Variants in MEI4 observed in about 807,000 individuals in gnomAD.
MEI4 encodes meiotic double-stranded break formation protein 4.
Under a neutral mutation model 31.4 loss-of-function variants are expected in MEI4, and 27 were observed. That is an observed-to-expected ratio of 0.86 (90% CI 0.63 to 1.19). The LOEUF (loss-of-function observed/expected upper bound fraction) is 1.19, where lower values mean the gene tolerates loss of function less well. Ranked by LOEUF, MEI4 falls within the 50% of genes most tolerant of loss-of-function variation. The pLI, the probability that MEI4 is intolerant of heterozygous loss-of-function variation, is 0.00. For missense variants in MEI4, 329 were observed against 398.9 expected, an observed-to-expected ratio of 0.82 and a Z score of 1.49; for synonymous variants, 122 against 145.4, an observed-to-expected ratio of 0.84 and a Z score of 1.16.
rs559560446 is a variant in MEI4 at position 77,698,962 on chromosome 6, C to T, written c.232+8059C>T. ...TCCCATATTTCTTGGAGGCTTTGTTCGTTTCTTTTTATTCTTTTTTCTCTA... is the reference window on the plus strand; with the variant it reads ...TCCCATATTTCTTGGAGGCTTTGTTTGTTTCTTTTTATTCTTTTTTCTCTA... On this transcript the variant is annotated intron_variant, in intron 2 of 4. Transcript: ENST00000684080. 6.0e-4 allele frequency among the ~76,000 whole-genome samples: 91 copies of T among 152,128 alleles called. No individual in the cohort carries two copies. The East Asian group carries it at 8.7e-3, about 15-fold the overall frequency.
chr6:77,875,625 T>C (rs2127726863), intron 4 of MEI4, among the ~76,000 whole-genome samples: 1 of 152,342 alleles, frequency 6.6e-6, no homozygotes, highest in South Asian at 2.1e-4. Flanking sequence ...AAAGGGATTT[T>C]TATCATTAAT....
chr6:77,909,664 T>C (rs1766385905), intron 4 of MEI4, among the ~76,000 whole-genome samples: 1 of 152,122 alleles, frequency 6.6e-6, no homozygotes, highest in African/African-American at 2.4e-5. Flanking sequence ...TCTGAAACTA[T>C]TCCAATCAAT....
chr6:77,899,365 TATCTC>T (rs563573560), intron 4 of MEI4, among the ~76,000 whole-genome samples: 385 of 152,122 alleles, frequency 2.5e-3, no homozygotes, highest in Non-Finnish European at 4.4e-3. Context: ...ACCAGAAAAT[TATCTC>T]ATTCTCTGAA....
intron 2 of MEI4, among the ~76,000 whole-genome samples, chr6:77,758,578 C>A (rs912149827): frequency 1.3e-5 from 2 of 152,154 alleles, no homozygotes; most frequent in African/African-American, 4.8e-5. Flanking sequence ...CAGGTGAAAT[C>A]TCCTTTAATT....
At chr6:77,829,779 T>A (rs1361180625) in intron 4 of MEI4, among the ~76,000 whole-genome samples, 1 of 152,116 alleles carries the variant, frequency 6.6e-6, no homozygotes, top group African/African-American at 2.4e-5. Context: ...TAAAGGAAAT[T>A]AGAGATAGGT....
At chr6:77,877,744 T>C (rs1231821892) in intron 4 of MEI4, among the ~76,000 whole-genome samples, 1 of 147,524 alleles carries the variant, frequency 6.8e-6, no homozygotes, top group Admixed American at 6.9e-5. Context: ...GAAAACTTAT[T>C]GGATAAGCAG....
In MEI4 at chr6:77,926,061, T is replaced by C. The variant is rs1376712002; in HGVS notation, c.*2715T>C. The C allele has an allele frequency of 1.3e-5, 2 of 151,824 alleles. 1 individual carries two copies. The highest frequency in any genetic ancestry group is 1.3e-4 in the Admixed American group (2 of 15,162). 9.4% of individuals were successfully genotyped at this position (151,824 alleles called of 1,614,324 possible). On this transcript the variant is annotated 3_prime_UTR_variant, in exon 5 of 5. Coordinates refer to ENST00000684080, the MANE Select transcript of MEI4 (RefSeq NM_001322247.2). Reference sequence around the variant, plus strand: ...GCAGTTAGGTTTCATCCTGAGGCAGTCCATCTTCCAATTCCACACTCCTAC... The same window carrying C: ...GCAGTTAGGTTTCATCCTGAGGCAGCCCATCTTCCAATTCCACACTCCTAC...
intron 4 of MEI4, among the ~76,000 whole-genome samples, chr6:77,921,439 C>T (rs1766700757): frequency 6.6e-6 from 1 of 151,768 alleles, no homozygotes; most frequent in South Asian, 2.1e-4. Context: ...ATTCAGGCCA[C>T]TACAATTTTT....
intron 3 of MEI4, among the ~76,000 whole-genome samples, chr6:77,786,558 G>A (rs1768740999): frequency 6.6e-6 from 1 of 152,018 alleles, no homozygotes; most frequent in Non-Finnish European, 1.5e-5. Context: ...GAGGTGCTAG[G>A]AAATGTAATA....
intron 2 of MEI4, among the ~76,000 whole-genome samples, chr6:77,743,335 A>C (rs192790438): frequency 3.9e-5 from 6 of 152,250 alleles, no homozygotes; most frequent in Admixed American, 6.5e-5. Flanking sequence ...GAGGTCCTTC[A>C]CATCCCTTGT....
At chr6:77,704,692 T>C (rs755790756) in intron 2 of MEI4, among the ~76,000 whole-genome samples, 19 of 152,184 alleles carry the variant, frequency 1.2e-4, no homozygotes, top group Non-Finnish European at 1.9e-4. Context: ...TGAGAATCAC[T>C]GGTTTAAACA....
intron 4 of MEI4, among the ~76,000 whole-genome samples, chr6:77,842,310 A>AG: frequency 6.6e-6 from 1 of 152,300 alleles, no homozygotes; most frequent in East Asian, 1.9e-4. Context: ...TTTCTAAATA[A>AG]CCTATGGATC....
chr6:77,736,778 C>T (rs1331438408), intron 2 of MEI4, among the ~76,000 whole-genome samples: 1 of 151,972 alleles, frequency 6.6e-6, no homozygotes, highest in Non-Finnish European at 1.5e-5. Flanking sequence ...ATTAATTGTA[C>T]CCAATGAGAC....
intron 2 of MEI4, among the ~76,000 whole-genome samples, chr6:77,735,600 TA>T (rs2127670306): frequency 6.6e-6 from 1 of 152,048 alleles, no homozygotes; most frequent in Non-Finnish European, 1.5e-5. Flanking sequence ...TAGCTCGGAG[TA>T]ATTTGATTGT....
intron 4 of MEI4, among the ~76,000 whole-genome samples, chr6:77,906,055 T>C (rs1185542829): frequency 2.6e-5 from 4 of 152,148 alleles, no homozygotes; most frequent in Non-Finnish European, 5.9e-5. Context: ...AATATCTCTG[T>C]AAAATTTATC....
At chr6:77,861,790 T>A (rs2127721342) in intron 4 of MEI4, among the ~76,000 whole-genome samples, 1 of 152,330 alleles carries the variant, frequency 6.6e-6, no homozygotes, top group East Asian at 1.9e-4. Context: ...ATTAATGATG[T>A]AGTACATATG....
intron 2 of MEI4, among the ~76,000 whole-genome samples, chr6:77,734,802 C>G (rs1194552416): frequency 6.6e-6 from 1 of 151,716 alleles, no homozygotes; most frequent in Non-Finnish European, 1.5e-5. Flanking sequence ...TTAGCGCTTC[C>G]TTCAGGAGCT....
In MEI4 at chr6:77,915,751, T is replaced by TTCTG. The variant is rs1766530614; in HGVS notation, c.901-7334_901-7331dup. ...ATACAGTAGGGAAGATCTTTTTTAA[T>TTCTG]TCTGTCTCTTTGGGGATCTCTGAGC... On this transcript the variant is annotated intron_variant, in intron 4 of 4. Coordinates refer to ENST00000684080, the MANE Select transcript of MEI4 (RefSeq NM_001322247.2). Among the ~76,000 whole-genome samples the TTCTG allele has an allele frequency of 3.3e-5, 5 of 152,174 alleles. No homozygotes were observed. The South Asian group carries it at 1.0e-3, about 32-fold the overall frequency.
At chr6:77,816,032 A>G (rs1389908790) in intron 3 of MEI4, among the ~76,000 whole-genome samples, 1 of 152,058 alleles carries the variant, frequency 6.6e-6, no homozygotes, top group Non-Finnish European at 1.5e-5. Context: ...CAGAACAAAC[A>G]CTCATGCATC....
Sources: allele counts gnomAD v4.1 joint callset (sites outside exome capture counted in the v4.1 genomes callset), GRCh38; gene constraint gnomAD v4.1.1; transcripts MANE v1.5; gene names NCBI Gene and HGNC (gene_info 2026-07-23, HGNC 2026-07-21).